Variants in KBTBD12 observed in about 807,000 individuals in gnomAD.
KBTBD12 encodes kelch repeat and BTB domain containing 12.
In KBTBD12, 53 loss-of-function variants were observed where a neutral mutation model predicts 58.7. The observed-to-expected ratio is 0.90, with a 90% CI of 0.72 to 1.14. The LOEUF is 1.14. Among genes scored for constraint, KBTBD12 ranks in the 50% most tolerant of loss-of-function variants. KBTBD12 has a pLI of 0.00. For synonymous variants in KBTBD12, 236 were observed against 259.8 expected, an observed-to-expected ratio of 0.91 and a Z score of 0.88; for missense variants, 704 against 751.3, an observed-to-expected ratio of 0.94 and a Z score of 0.74.
intron 3 of KBTBD12, 123 bp from the exon 4 acceptor site, chr3:127,930,010 T>G: frequency 1.3e-6 from 1 of 775,428 alleles, no homozygotes; most frequent in East Asian, 2.7e-5. Context: ...TGTTTGTGAG[T>G]ATGAGTCACT....
intron 5 of KBTBD12, among the ~76,000 whole-genome samples, chr3:127,972,457 C>G (rs1273086585): frequency 6.6e-6 from 1 of 152,132 alleles, no homozygotes; most frequent in African/African-American, 2.4e-5. Flanking sequence ...TTCAACAAAC[C>G]TTTATTGAAT....
intron 1 of KBTBD12, among the ~76,000 whole-genome samples, chr3:127,920,641 A>G (rs560449496): frequency 6.6e-6 from 1 of 152,246 alleles, no homozygotes; most frequent in African/African-American, 2.4e-5. Flanking sequence ...TAATGTAAAG[A>G]TTATAAAATT....
chr3:127,972,591 C>G (rs1379663424), intron 5 of KBTBD12, among the ~76,000 whole-genome samples: 1 of 152,192 alleles, frequency 6.6e-6, no homozygotes, highest in Non-Finnish European at 1.5e-5. Flanking sequence ...GGATGATGGA[C>G]TCAGCTAGCT....
At chr3:127,920,688 CT>C (rs1005467399) in intron 1 of KBTBD12, among the ~76,000 whole-genome samples, 4 of 151,780 alleles carry the variant, frequency 2.6e-5, no homozygotes, top group African/African-American at 7.3e-5. Flanking sequence ...AAGAAATTGA[CT>C]TTTTTTGCAC....
intron 4 of KBTBD12, among the ~76,000 whole-genome samples, chr3:127,956,397 C>T (rs1476020886): frequency 6.6e-6 from 1 of 151,568 alleles, no homozygotes; most frequent in African/African-American, 2.4e-5. Context: ...TAATTATAAT[C>T]CTGTATTATA....
chr3:127,923,482 A>G lies in KBTBD12; in HGVS notation c.421A>G (p.Lys141Glu). The G allele has an allele frequency of 6.2e-7, 1 of 1,611,026 alleles. No individual in the cohort carries two copies. The highest frequency in any genetic ancestry group is 8.5e-7 in the Non-Finnish European group (1 of 1,179,158). The change falls in exon 2 of 6, where the codon AAG becomes GAG. Residue 141 changes from lysine to glutamate, a missense_variant. Physicochemically the swap from Lys to Glu is moderately conservative, Grantham distance 56 (BLOSUM62 1). Transcript: ENST00000405109. ...CTGTTTAGGTATCTATTATTTTGCA[A>G]AGCAGATTGGAGCTGAAGATTTATC... ...SNCLGIYYFA[K>E]QIGAEDLSDR...
At chr3:127,976,625 T>C (rs1029842885) in intron 5 of KBTBD12, among the ~76,000 whole-genome samples, 5 of 152,220 alleles carry the variant, frequency 3.3e-5, no homozygotes, top group Non-Finnish European at 7.3e-5. Flanking sequence ...TGGTCTAATT[T>C]CATCACTGTG....
At chr3:127,944,357 C>T (rs1940024715) in intron 4 of KBTBD12, among the ~76,000 whole-genome samples, 1 of 151,676 alleles carries the variant, frequency 6.6e-6, no homozygotes, top group Admixed American at 6.6e-5. Context: ...TATTTTTTTT[C>T]ATCAGTGTTT....
rs187110471 is a variant in KBTBD12, at chr3:127,959,020, C to T, written c.1493-4169C>T. Reference sequence around the variant, plus strand: ...CTTCATTCTGAAAATACCCAAGAGCCTCCTGTGTTAGACTTTAGAAAGTGG... The same window carrying T: ...CTTCATTCTGAAAATACCCAAGAGCTTCCTGTGTTAGACTTTAGAAAGTGG... On this transcript the variant is annotated intron_variant, in intron 4 of 5. Transcript: ENST00000405109. Among the ~76,000 whole-genome samples the T allele has an allele frequency of 2.2e-4, 34 of 152,254 alleles. No individual in the cohort carries two copies. In the East Asian group the frequency reaches 6.4e-3, roughly 29 times the overall value.
At chr3:127,973,484 G>A (rs1940718469) in intron 5 of KBTBD12, among the ~76,000 whole-genome samples, 1 of 152,032 alleles carries the variant, frequency 6.6e-6, no homozygotes, top group Non-Finnish European at 1.5e-5. Context: ...AATATGAACA[G>A]GATTTTATTC....
intron 1 of KBTBD12, among the ~76,000 whole-genome samples, chr3:127,920,731 A>G (rs1446189244): frequency 6.6e-6 from 1 of 151,136 alleles, no homozygotes. Flanking sequence ...CCATTTCTCA[A>G]AATGAAATAT....
In KBTBD12 at chr3:127,979,836, A is replaced by G. The variant is rs1349554492; in HGVS notation, c.1691-4261A>G. ...TACAGAACACATACATTGACTAACC[A>G]TAAATTAGGGCAAAGGAAAATCTCA... On this transcript the variant is annotated intron_variant, in intron 5 of 5. Coordinates refer to ENST00000405109, the MANE Select transcript of KBTBD12 (RefSeq NM_207335.4). 3.3e-5 allele frequency among the ~76,000 whole-genome samples: 5 copies of G among 152,362 alleles called. No homozygotes were observed. In the East Asian group the frequency reaches 9.6e-4, roughly 29 times the overall value.
At chr3:127,917,316 G>A (rs950643359) in intron 1 of KBTBD12, among the ~76,000 whole-genome samples, 1 of 152,116 alleles carries the variant, frequency 6.6e-6, no homozygotes, top group Non-Finnish European at 1.5e-5. Flanking sequence ...TAAGTTTTCC[G>A]GTTTACTATA....
Position 127,923,362 on chromosome 3 carries a change from G to T in KBTBD12, c.301G>T (p.Val101Leu). The change falls in exon 2 of 6, where the codon GTA (valine) becomes TTA (leucine). Residue 101 changes from valine (V) to leucine (L), a missense_variant. Val to Leu is a conservative substitution (Grantham distance 32). Coordinates refer to ENST00000405109, the MANE Select transcript of KBTBD12 (RefSeq NM_207335.4). Reference sequence around the variant, plus strand: ...AGCTTTGGAGATCAATAATGCCAATGTACAGACTGTAGCTATGGCTGCCTA... The same window carrying T: ...AGCTTTGGAGATCAATAATGCCAATTTACAGACTGTAGCTATGGCTGCCTA... ...NAALEINNAN[V>L]QTVAMAAYFM... is the part of the protein sequence containing the mutation. 1.2e-6 allele frequency: 2 copies of T among 1,613,834 alleles called. No individual in the cohort carries two copies. Among genetic ancestry groups the T allele is most frequent in the Non-Finnish European group, 1.7e-6 (2 of 1,179,810 alleles).
At chr3:127,960,589 T>C (rs947471370) in intron 4 of KBTBD12, among the ~76,000 whole-genome samples, 2 of 152,250 alleles carry the variant, frequency 1.3e-5, no homozygotes, top group African/African-American at 4.8e-5. Flanking sequence ...TGCTGACTTA[T>C]TAATGAAGAT....
chr3:127,926,433 A>T (rs1327586046), intron 2 of KBTBD12, among the ~76,000 whole-genome samples: 2 of 152,196 alleles, frequency 1.3e-5, no homozygotes, highest in Non-Finnish European at 2.9e-5. Context: ...TCATACAATT[A>T]AAAATAGTGA....
intron 5 of KBTBD12, 73 bp from the exon 6 acceptor site, chr3:127,984,024 C>A (rs1474041810): frequency 5.9e-6 from 7 of 1,183,018 alleles, no homozygotes; most frequent in African/African-American, 1.5e-5. Flanking sequence ...GGAAGTTACT[C>A]AGTATGGTGC....
At chr3:127,980,518 C>T (rs993089533) in intron 5 of KBTBD12, among the ~76,000 whole-genome samples, 32 of 152,124 alleles carry the variant, frequency 2.1e-4, no homozygotes, top group Middle Eastern at 3.4e-3. Context: ...TCAGTAGAGA[C>T]GGGATTTCAC....
rs116368263 is a variant in KBTBD12 at position 127,921,911 on chromosome 3, C to T, written c.-112-1039C>T. 6.0e-3 allele frequency among the ~76,000 whole-genome samples: 917 copies of T among 152,156 alleles called. 2 individuals are homozygous for T. Among genetic ancestry groups the T allele is most frequent in the Non-Finnish European group, 0.011 (729 of 67,950 alleles). On this transcript the variant is annotated intron_variant, in intron 1 of 5. Transcript: ENST00000405109. ...TAAGCAGAGAAGTGGAGAATAGTCA[C>T]CCCAAAAGGATATTATCTTACTCAT...
Sources: gnomAD v4.1 joint callset for allele counts (sites outside exome capture counted in the v4.1 genomes callset) on GRCh38, gnomAD v4.1.1 for gene constraint, MANE v1.5 for transcripts, NCBI Gene and HGNC (gene_info 2026-07-23, HGNC 2026-07-21) for gene names.